Variants in SHISA9 observed in about 807,000 individuals in gnomAD.
SHISA9 encodes protein shisa-9.
In SHISA9, 13 loss-of-function variants were observed where a neutral mutation model predicts 38.0. The observed-to-expected ratio is 0.34, with a 90% CI of 0.22 to 0.54. The LOEUF (loss-of-function observed/expected upper bound fraction) is 0.54. Ranked by LOEUF, SHISA9 falls within the 20% of genes least tolerant of loss-of-function variation. SHISA9 has a pLI of 0.91. For synonymous variants in SHISA9, 275 were observed against 242.0 expected (o/e 1.14, Z -1.27); for missense variants, 538 against 575.8 (o/e 0.93, Z 0.67).
chr16:12,919,558 T>C (rs2071301856), intron 2 of SHISA9, among the ~76,000 whole-genome samples: 1 of 152,226 alleles, frequency 6.6e-6, no homozygotes, highest in Non-Finnish European at 1.5e-5. Context: ...TTTCTATTCT[T>C]TCTCTTAAGT....
chr16:13,146,589 C>T (rs185813942), intron 2 of SHISA9, among the ~76,000 whole-genome samples: 11 of 152,236 alleles, frequency 7.2e-5, no homozygotes, highest in Admixed American at 5.9e-4. Flanking sequence ...TAGTCTAGGT[C>T]CACAGCTTTT....
At chr16:13,344,090 C>T in the SHISA9 span, among the ~76,000 whole-genome samples, 1 of 152,196 alleles carries the variant, frequency 6.6e-6, no homozygotes. Flanking sequence ...TTGGCAGAGA[C>T]AAATGACAAT....
At chr16:13,054,353 C>T (rs2073286596) in intron 2 of SHISA9, among the ~76,000 whole-genome samples, 1 of 152,200 alleles carries the variant, frequency 6.6e-6, no homozygotes, top group African/African-American at 2.4e-5. Flanking sequence ...ACTGTTGGGC[C>T]TCAGTGACTG....
intron 4 of SHISA9, among the ~76,000 whole-genome samples, chr16:13,230,451 T>C (rs1276211464): frequency 6.6e-6 from 1 of 152,206 alleles, no homozygotes; most frequent in African/African-American, 2.4e-5. Context: ...GTTTGACAGT[T>C]GTGCTGCAAG....
In SHISA9 at chr16:13,106,949, A is replaced by C. The variant is rs188488174; in HGVS notation, c.692-96445A>C. ...TGTAGTTTTCTAGTCACATCAATAA[A>C]CTTGCTCTTTCTCACGTTCTCTCTC... On this transcript the variant is annotated intron_variant, in intron 2 of 4. Coordinates refer to ENST00000558583, the MANE Select transcript of SHISA9 (RefSeq NM_001145204.3). Among the ~76,000 whole-genome samples, 490 of 144,260 alleles carry C rather than the reference A, an allele frequency of 3.4e-3. 1 individual carries two copies. Among genetic ancestry groups the C allele is most frequent in the African/African-American group, 0.012 (459 of 39,074 alleles). 94.6% of individuals were successfully genotyped at this position (144,260 alleles called of 152,430 possible). A position where few individuals can be genotyped will look rare whatever the true frequency, so the allele number is the denominator to read the frequency against.
rs531727842 is a variant in SHISA9 at position 13,092,300 on chromosome 16, G to A, written c.692-111094G>A. The stretch of plus-strand genomic sequence containing the variant: ...AGTCGGGGACCCACTTGAGGATGCA[G>A]TCTGTCTGTTCTCAGAGCTCAAACT... On this transcript the variant is annotated intron_variant, in intron 2 of 4. Coordinates refer to ENST00000558583, the MANE Select transcript of SHISA9 (RefSeq NM_001145204.3). Among the ~76,000 whole-genome samples, 3 of 152,348 alleles carry A rather than the reference G, an allele frequency of 2.0e-5. No homozygotes were observed. In the South Asian group the frequency reaches 6.2e-4, roughly 32 times the overall value.
intron 2 of SHISA9, among the ~76,000 whole-genome samples, chr16:13,172,441 G>T (rs1443335114): frequency 1.3e-5 from 2 of 152,202 alleles, no homozygotes; most frequent in African/African-American, 4.8e-5. Context: ...ATTAGTAACT[G>T]AGTCATTAGT....
intron 2 of SHISA9, among the ~76,000 whole-genome samples, chr16:13,108,998 T>A (rs116547149): frequency 0.015 from 2,282 of 152,240 alleles, 51 homozygotes; most frequent in African/African-American, 0.05. Flanking sequence ...TGATTCAGGG[T>A]GGCTGCTTTG....
the SHISA9 span, chr16:13,458,402 C>T: frequency 2.9e-4 from 110 of 372,910 alleles, no homozygotes; most frequent in African/African-American, 2.1e-3. Flanking sequence ...GATGCTGTAA[C>T]GATGGGAGCA....
At chr16:13,005,567 C>T (rs756797143) in intron 2 of SHISA9, among the ~76,000 whole-genome samples, 27 of 152,168 alleles carry the variant, frequency 1.8e-4, no homozygotes, top group Non-Finnish European at 4.0e-4. Flanking sequence ...AGAAAGCAAG[C>T]TTCTCTTGCT....
chr16:12,963,741 C>G (rs926798612), intron 2 of SHISA9, among the ~76,000 whole-genome samples: 2 of 152,164 alleles, frequency 1.3e-5, no homozygotes, highest in African/African-American at 4.8e-5. Context: ...ACTTCCATTT[C>G]TGGCTCTCCA....
At chr16:13,232,541 C>A (rs984123370) in intron 4 of SHISA9, among the ~76,000 whole-genome samples, 1 of 152,158 alleles carries the variant, frequency 6.6e-6, no homozygotes. Flanking sequence ...GACCATGGCC[C>A]ATGACACAGC....
At chr16:13,034,899 T>C (rs1042465113) in intron 2 of SHISA9, among the ~76,000 whole-genome samples, 4 of 152,196 alleles carry the variant, frequency 2.6e-5, no homozygotes, top group African/African-American at 7.2e-5. Context: ...CAGCCAGTAC[T>C]AGACATGTGA....
chr16:13,112,069 A>G (rs79777099), intron 2 of SHISA9, among the ~76,000 whole-genome samples: 5,757 of 152,220 alleles, frequency 0.038, 156 homozygotes, highest in African/African-American at 0.074. Context: ...AGGCCTTTCT[A>G]TCTTATGCCC....
chr16:13,185,889 C>T (rs1365555985), intron 2 of SHISA9, among the ~76,000 whole-genome samples: 1 of 152,180 alleles, frequency 6.6e-6, no homozygotes, highest in East Asian at 1.9e-4. Flanking sequence ...TTGTTTTAAT[C>T]AAGGACTGAG....
chr16:13,232,062 G>A (rs1596754421), intron 4 of SHISA9, among the ~76,000 whole-genome samples: 1 of 152,328 alleles, frequency 6.6e-6, no homozygotes, highest in East Asian at 1.9e-4. Flanking sequence ...TTGAAGATAT[G>A]AAGGAGAATC....
At chr16:13,145,402 C>A (rs1303823065) in intron 2 of SHISA9, among the ~76,000 whole-genome samples, 3 of 152,150 alleles carry the variant, frequency 2.0e-5, no homozygotes, top group African/African-American at 7.2e-5. Flanking sequence ...TGGTAGGCAC[C>A]TTTAATCCCA....
At chr16:13,471,316 C>T in the SHISA9 span, among the ~76,000 whole-genome samples, 53 of 152,264 alleles carry the variant, frequency 3.5e-4, 1 homozygote, top group East Asian at 9.8e-3. Flanking sequence ...CATTGTATAA[C>T]ATTTTTTAAA....
At chr16:12,932,645 G>A (rs275406) in intron 2 of SHISA9, among the ~76,000 whole-genome samples, 124,452 of 152,180 alleles carry the variant, frequency 0.82, 51,634 homozygotes, top group African/African-American at 0.95. Context: ...GCCTGCCTGG[G>A]TTATCTAGAT....
Sources: allele counts gnomAD v4.1 joint callset (sites outside exome capture counted in the v4.1 genomes callset), GRCh38; gene constraint gnomAD v4.1.1; transcripts MANE v1.5; gene names NCBI Gene and HGNC (gene_info 2026-07-23, HGNC 2026-07-21).